MVB12B: variants seen among roughly 807,000 people sequenced by gnomAD.
MVB12B encodes multivesicular body subunit 12B.
MVB12B carries 16 observed loss-of-function variants against 41.6 expected under a neutral mutation model. That is an observed-to-expected ratio of 0.38 (90% CI 0.26 to 0.58). The LOEUF (loss-of-function observed/expected upper bound fraction) is 0.58. Ranked by LOEUF, MVB12B falls within the 20% of genes least tolerant of loss-of-function variation. MVB12B has a pLI of 0.62. For missense variants in MVB12B, 274 were observed against 380.2 expected, an observed-to-expected ratio of 0.72 and a Z score of 2.32; for synonymous variants, 133 against 139.7, an observed-to-expected ratio of 0.95 and a Z score of 0.34.
chr9:126,455,032 G>A (rs1239278779), intron 7 of MVB12B, among the ~76,000 whole-genome samples: 2 of 152,126 alleles, frequency 1.3e-5, no homozygotes, highest in East Asian at 1.9e-4. Context: ...CTTGAACCAC[G>A]TCCTGGCAGG....
At chr9:126,371,535 A>G (rs1297038429) in intron 2 of MVB12B, among the ~76,000 whole-genome samples, 3 of 152,166 alleles carry the variant, frequency 2.0e-5, no homozygotes, top group African/African-American at 7.2e-5. Flanking sequence ...CAACCTCAGG[A>G]AGCCATCCCC....
chr9:126,412,606 A>G (rs1360293008), intron 6 of MVB12B, among the ~76,000 whole-genome samples: 1 of 152,212 alleles, frequency 6.6e-6, no homozygotes. Flanking sequence ...GATTAAAAGA[A>G]ATAATTTCTC....
rs540992541 is a variant in MVB12B, at chr9:126,394,063, C to G, written c.540-1512C>G. Among the ~76,000 whole-genome samples the G allele has an allele frequency of 2.6e-5, 4 of 152,346 alleles. No individual in the cohort carries two copies. In the South Asian group the frequency reaches 6.2e-4, roughly 24 times the overall value. ...TGTTCAGCTCTGGCATCTGAATGCT[C>G]TGTGTCAAGATCATGTGGTTAAGAA... On this transcript the variant is annotated intron_variant, in intron 5 of 9. Transcript: ENST00000361171.
At position 126,459,866 on chromosome 9, in the gene MVB12B, G is replaced by A. The variant is rs2119174225; in HGVS notation, c.758-21503G>A. ...CCCACCCATCTCGAGGGAGAGAAAG[G>A]GCTCCGGGGCTCAGTAATGGTTTTC... On this transcript the variant is annotated intron_variant, in intron 7 of 9. Coordinates refer to ENST00000361171, the MANE Select transcript of MVB12B (RefSeq NM_033446.3). This position sits in a 1 kb window ranked among gnomAD's most constrained non-coding sequence, Gnocchi z 4.3. Among the ~76,000 whole-genome samples the A allele has an allele frequency of 6.6e-6, 1 of 152,328 alleles. No individual in the cohort carries two copies. The highest frequency in any genetic ancestry group is 2.1e-4 in the South Asian group (1 of 4,830).
chr9:126,492,963 C>T (rs1001174536), intron 9 of MVB12B, among the ~76,000 whole-genome samples: 1 of 152,188 alleles, frequency 6.6e-6, no homozygotes, highest in African/African-American at 2.4e-5. Flanking sequence ...TTTCTATCAG[C>T]TTCTGTAGCT....
chr9:126,410,968 G>A (rs10987271), intron 6 of MVB12B, among the ~76,000 whole-genome samples: 18,539 of 149,854 alleles, frequency 0.12, 1,522 homozygotes, highest in East Asian at 0.38. Flanking sequence ...GCTTACTGCA[G>A]CCTCCACCTC....
chr9:126,494,546 G>A (rs1434828001), intron 9 of MVB12B, among the ~76,000 whole-genome samples: 1 of 152,206 alleles, frequency 6.6e-6, no homozygotes, highest in Non-Finnish European at 1.5e-5. Context: ...GTCCTTCAGA[G>A]GAGGATTTTC....
At chr9:126,336,821 A>G (rs549227149) in intron 1 of MVB12B, among the ~76,000 whole-genome samples, 12 of 152,194 alleles carry the variant, frequency 7.9e-5, no homozygotes, top group African/African-American at 2.6e-4. Context: ...CGGGGCAGAC[A>G]ACACTGCCTG....
At position 126,468,609 on chromosome 9, in the gene MVB12B, G is replaced by A. The variant is rs1197132074; in HGVS notation, c.758-12760G>A. Among the ~76,000 whole-genome samples the A allele has an allele frequency of 6.6e-6, 1 of 152,120 alleles. No homozygotes were observed. Among genetic ancestry groups the A allele is most frequent in the Non-Finnish European group, 1.5e-5 (1 of 68,036 alleles). The stretch of plus-strand genomic sequence containing the variant: ...CTTCCCCAGCCACTCCATTCTTACT[G>A]CCACTGCCCTCATCCGGGCCACCAG... On this transcript the variant is annotated intron_variant, in intron 7 of 9. Transcript: ENST00000361171. The surrounding 1 kb of genome is among the most constrained non-coding windows in gnomAD (Gnocchi z 4.3).
intron 2 of MVB12B, among the ~76,000 whole-genome samples, chr9:126,372,897 G>A (rs901295752): frequency 2.0e-5 from 3 of 152,114 alleles, no homozygotes; most frequent in African/African-American, 2.4e-5. Context: ...GGAGCAACAC[G>A]AGCAAAGGCA....
At chr9:126,441,586 T>C (rs1015626418) in intron 7 of MVB12B, among the ~76,000 whole-genome samples, 3 of 152,246 alleles carry the variant, frequency 2.0e-5, no homozygotes, top group African/African-American at 7.2e-5. Flanking sequence ...AAGAAGCCAC[T>C]CCTTTATCAA....
At chr9:126,440,455 A>G (rs982566428) in intron 7 of MVB12B, among the ~76,000 whole-genome samples, 3 of 152,206 alleles carry the variant, frequency 2.0e-5, no homozygotes, top group Non-Finnish European at 4.4e-5. Context: ...GCCACGAGTG[A>G]ACTGTAAAAG....
intron 2 of MVB12B, among the ~76,000 whole-genome samples, chr9:126,341,260 C>A (rs952531834): frequency 6.6e-6 from 1 of 152,338 alleles, no homozygotes; most frequent in South Asian, 2.1e-4. Context: ...CAGCAGACAT[C>A]TGTGCTGGTG....
At position 126,480,167 on chromosome 9, in the gene MVB12B, T is replaced by A. The variant is rs1429192578; in HGVS notation, c.758-1202T>A. Among the ~76,000 whole-genome samples the A allele has an allele frequency of 6.6e-6, 1 of 152,174 alleles. No homozygotes were observed. The highest frequency in any genetic ancestry group is 1.5e-5 in the Non-Finnish European group (1 of 68,018). On this transcript the variant is annotated intron_variant, in intron 7 of 9. Transcript: ENST00000361171. This position sits in a 1 kb window ranked among gnomAD's most constrained non-coding sequence, Gnocchi z 4.9. Reference sequence around the variant, plus strand: ...CTCCCTGAAACCACAATTTACTGCATAGCCACCACCTCAGGGTGCGGCCAC... The same window carrying A: ...CTCCCTGAAACCACAATTTACTGCAAAGCCACCACCTCAGGGTGCGGCCAC...
intron 9 of MVB12B, among the ~76,000 whole-genome samples, chr9:126,493,931 C>G (rs1833782388): frequency 6.6e-6 from 1 of 152,182 alleles, no homozygotes; most frequent in Admixed American, 6.5e-5. Context: ...GCTGAGGCCT[C>G]CATCCTGGCA....
intron 6 of MVB12B, chr9:126,397,689 T>C: frequency 2.1e-6 from 2 of 971,410 alleles, no homozygotes; most frequent in Non-Finnish European, 2.4e-6. Flanking sequence ...GTAAGCCTCA[T>C]CCATCAGGGT....
At chr9:126,384,073 T>C (rs1426100578) in intron 3 of MVB12B, among the ~76,000 whole-genome samples, 1 of 151,904 alleles carries the variant, frequency 6.6e-6, no homozygotes. Flanking sequence ...CAGAAAGCAG[T>C]GATGACATGG....
intron 7 of MVB12B, among the ~76,000 whole-genome samples, chr9:126,446,938 C>CTTTTTTTTTTTTTTT (rs33991689): frequency 2.5e-4 from 26 of 104,320 alleles, no homozygotes; most frequent in East Asian, 5.4e-4. Flanking sequence ...TTTTAACTTT[C>CTTTTTTTTTTTTTTT]TTTTTTTTTT....
Position 126,386,512 on chromosome 9 carries a change from C to T in MVB12B, c.313-50C>T. ...CTGGAAGCCAAAATGGCAAACCCAC[C>T]ACATGCATGTTCAGATTAATAGTCT... is the stretch of plus-strand genomic sequence containing the variant. On this transcript the variant is annotated intron_variant, in intron 3 of 9. Coordinates refer to ENST00000361171, the MANE Select transcript of MVB12B (RefSeq NM_033446.3). The surrounding 1 kb of genome is among the most constrained non-coding windows in gnomAD (Gnocchi z 4.3). 6.9e-7 allele frequency: 1 copy of T among 1,441,268 alleles called. No individual in the cohort carries two copies. Among genetic ancestry groups the T allele is most frequent in the Non-Finnish European group, 9.7e-7 (1 of 1,026,460 alleles). The allele number at this position is 1,441,268 out of a possible 1,614,324, so 89.3% of individuals were successfully genotyped here. A position where few individuals can be genotyped will look rare whatever the true frequency, so the allele number is the denominator to read the frequency against.
Sources: allele counts gnomAD v4.1 joint callset (sites outside exome capture counted in the v4.1 genomes callset), GRCh38; gene constraint gnomAD v4.1.1; non-coding constraint Gnocchi (gnomAD v3.1); transcripts MANE v1.5; gene names NCBI Gene and HGNC (gene_info 2026-07-23, HGNC 2026-07-21).